Variants in LHPP observed in about 807,000 individuals in gnomAD.
LHPP encodes phospholysine phosphohistidine inorganic pyrophosphate phosphatase.
In LHPP, 24 loss-of-function variants were observed where a neutral mutation model predicts 30.3. The ratio of observed to expected loss-of-function variants is 0.79; its 90% CI spans 0.57 to 1.11. The LOEUF is 1.11. Among genes scored for constraint, LHPP ranks in the 50% most tolerant of loss-of-function variants. The pLI is 0.00. For missense variants in LHPP, 356 were observed against 367.2 expected, an observed-to-expected ratio of 0.97 and a Z score of 0.25; for synonymous variants, 150 against 157.1, an observed-to-expected ratio of 0.95 and a Z score of 0.34.
intron 6 of LHPP, among the ~76,000 whole-genome samples, chr10:124,586,043 C>G (rs61408740): frequency 0.086 from 13,018 of 152,112 alleles, 1,027 homozygotes; most frequent in African/African-American, 0.2. Flanking sequence ...CTTGACCTCC[C>G]AAAGTGCTGG....
At chr10:124,606,128 C>CAGGAG (rs1268539769) in intron 6 of LHPP, among the ~76,000 whole-genome samples, 1 of 152,156 alleles carries the variant, frequency 6.6e-6, no homozygotes, top group Non-Finnish European at 1.5e-5. Context: ...AGGCTGCCCC[C>CAGGAG]AGGAGAGGAG....
chr10:124,573,998 G>A (rs1051070543), intron 6 of LHPP, among the ~76,000 whole-genome samples: 4 of 152,070 alleles, frequency 2.6e-5, no homozygotes, highest in African/African-American at 7.2e-5. Flanking sequence ...TGGAGCCACC[G>A]TGCTGCCCCA....
rs985998818 is a variant in LHPP, at chr10:124,462,137, G to A, written c.125+150G>A. 157 of 752,928 alleles carry A rather than the reference G, an allele frequency of 2.1e-4. No individual in the cohort carries two copies. In the East Asian group the frequency reaches 5.6e-3, roughly 27 times the overall value. 46.6% of individuals were successfully genotyped at this position (752,928 alleles called of 1,614,324 possible). A position where few individuals can be genotyped will look rare whatever the true frequency, so the allele number is the denominator to read the frequency against. ...CTTCCCACCCCGGTGCGCGCACAGT[G>A]CTGACCACGGACGACCCCACTGTTG... On this transcript the variant is annotated intron_variant, in intron 1 of 6. Coordinates refer to ENST00000368842, the MANE Select transcript of LHPP (RefSeq NM_022126.4).
chr10:124,480,919 CAT>C (rs1445682841), intron 1 of LHPP, among the ~76,000 whole-genome samples: 1 of 152,180 alleles, frequency 6.6e-6, no homozygotes, highest in African/African-American at 2.4e-5. Flanking sequence ...AGTGCAGAAA[CAT>C]GTGTTTTCAC....
In LHPP at chr10:124,540,573, T is replaced by A. The variant is rs78699353; in HGVS notation, c.716+23302T>A. On this transcript the variant is annotated intron_variant, in intron 6 of 6. Coordinates refer to ENST00000368842, the MANE Select transcript of LHPP (RefSeq NM_022126.4). ...CTTAAGCTGAGTTTTGCCTTTGCAG[T>A]TTGAGTGACATTTTTGCTGGGGATC... Among the ~76,000 whole-genome samples the A allele has an allele frequency of 9.7e-3, 1,470 of 152,292 alleles. 25 individuals are homozygous for A. The highest frequency in any genetic ancestry group is 0.034 in the African/African-American group (1,401 of 41,566).
In LHPP at chr10:124,498,103, A is replaced by G; in HGVS notation, c.599A>G (p.Gln200Arg). The G allele has an allele frequency of 6.2e-7, 1 of 1,614,010 alleles. No homozygotes were observed. Among genetic ancestry groups the G allele is most frequent in the Non-Finnish European group, 8.5e-7 (1 of 1,179,978 alleles). Residue 200 changes from glutamine to arginine, a missense_variant, in exon 5 of 7, where the codon CAA becomes CGA. By Grantham distance (43) the Gln-to-Arg change is conservative. Coordinates refer to ENST00000368842, the MANE Select transcript of LHPP (RefSeq NM_022126.4). Reference sequence around the variant, plus strand: ...CCTGAGTTTTTCAAGTCTGCCCTGCAAGCGATAGGAGTGGAAGCCCACCAG... The same window carrying G: ...CCTGAGTTTTTCAAGTCTGCCCTGCGAGCGATAGGAGTGGAAGCCCACCAG... ...PSPEFFKSAL[Q>R]AIGVEAHQAV... is the part of the protein sequence containing the mutation.
intron 6 of LHPP, among the ~76,000 whole-genome samples, chr10:124,565,840 C>T (rs145360679): frequency 6.6e-6 from 1 of 152,322 alleles, no homozygotes; most frequent in East Asian, 1.9e-4. Flanking sequence ...CTGCTCCAGC[C>T]CGGCGTCGGG....
intron 6 of LHPP, among the ~76,000 whole-genome samples, chr10:124,603,790 T>TGGGCTCCG (rs1343487435): frequency 6.6e-6 from 1 of 152,122 alleles, no homozygotes; most frequent in Non-Finnish European, 1.5e-5. Context: ...GTCCCCACGC[T>TGGGCTCCG]GGGCTCCGGG....
At chr10:124,479,968 G>A (rs1423404192) in intron 1 of LHPP, among the ~76,000 whole-genome samples, 1 of 152,186 alleles carries the variant, frequency 6.6e-6, no homozygotes, top group Admixed American at 6.5e-5. Context: ...CCAGGCACCT[G>A]GGCCTTGGGG....
At position 124,541,652 on chromosome 10, in the gene LHPP, G is replaced by A. The variant is rs147628521; in HGVS notation, c.716+24381G>A. On this transcript the variant is annotated intron_variant, in intron 6 of 6. Transcript: ENST00000368842. The surrounding 1 kb of genome is among the most constrained non-coding windows in gnomAD (Gnocchi z 4.2). ...GTCTAGGCAAATGCCTTGGGCACTCGAGGGGGCACTGAGGCCCTGGAGGGC... is the reference window on the plus strand; with the variant it reads ...GTCTAGGCAAATGCCTTGGGCACTCAAGGGGGCACTGAGGCCCTGGAGGGC... 8.5e-5 allele frequency among the ~76,000 whole-genome samples: 13 copies of A among 152,268 alleles called. No homozygotes were observed. Among genetic ancestry groups the A allele is most frequent in the Non-Finnish European group, 1.8e-4 (12 of 68,006 alleles).
At position 124,484,346 on chromosome 10, in the gene LHPP, G is replaced by A; in HGVS notation, c.313+20G>A. ...ATGACGGTAGGCCTGTCGGACACCA[G>A]GACCTCACGGGGGTGAAAGCTCCCC... On this transcript the variant is annotated intron_variant, in intron 2 of 6. Transcript: ENST00000368842. 1.2e-6 allele frequency: 2 copies of A among 1,600,610 alleles called. No individual in the cohort carries two copies. Among genetic ancestry groups the A allele is most frequent in the South Asian group, 1.1e-5 (1 of 90,732 alleles).
intron 3 of LHPP, among the ~76,000 whole-genome samples, chr10:124,494,439 G>A (rs2133867775): frequency 6.6e-6 from 1 of 152,334 alleles, no homozygotes; most frequent in Middle Eastern, 3.4e-3. Flanking sequence ...TGCTGGGTAA[G>A]CATTTCCTGT....
At chr10:124,578,008 C>T (rs1266442115) in intron 6 of LHPP, among the ~76,000 whole-genome samples, 1 of 152,170 alleles carries the variant, frequency 6.6e-6, no homozygotes, top group African/African-American at 2.4e-5. Flanking sequence ...GCTGGAAGGA[C>T]CTCTTCCTCT....
intron 6 of LHPP, among the ~76,000 whole-genome samples, chr10:124,603,609 C>G (rs1287359661): frequency 1.3e-5 from 2 of 152,120 alleles, no homozygotes; most frequent in Non-Finnish European, 2.9e-5. Flanking sequence ...CCGAGAAGGT[C>G]CTGTATGTGT....
intron 6 of LHPP, among the ~76,000 whole-genome samples, chr10:124,536,338 C>T (rs1418258252): frequency 6.6e-6 from 1 of 152,240 alleles, no homozygotes. Flanking sequence ...TGTCTGGAAC[C>T]AGGAAAGAGG....
rs1431939481 is a variant in LHPP, at chr10:124,590,506, C to T, written c.717-22758C>T. Among the ~76,000 whole-genome samples the T allele has an allele frequency of 6.6e-6, 1 of 152,124 alleles. No individual in the cohort carries two copies. The highest frequency in any genetic ancestry group is 1.5e-5 in the Non-Finnish European group (1 of 68,012). On this transcript the variant is annotated intron_variant, in intron 6 of 6. Coordinates refer to ENST00000368842, the MANE Select transcript of LHPP (RefSeq NM_022126.4). The surrounding 1 kb of genome is among the most constrained non-coding windows in gnomAD (Gnocchi z 4.3). ...GCCGCTGTGTGACCCCATTAGGGGA[C>T]TTGGCTCTCCTGCCAAGCCCCCACC...
At chr10:124,489,328 C>T (rs956316341) in intron 3 of LHPP, among the ~76,000 whole-genome samples, 6 of 152,116 alleles carry the variant, frequency 3.9e-5, no homozygotes, top group Non-Finnish European at 7.3e-5. Flanking sequence ...TTCACAGCAT[C>T]GATGTCACAC....
chr10:124,495,612 C>A (rs1953679577), intron 3 of LHPP, among the ~76,000 whole-genome samples: 1 of 152,156 alleles, frequency 6.6e-6, no homozygotes, highest in African/African-American at 2.4e-5. Flanking sequence ...AAGGGCACAG[C>A]CCCAGGGCAG....
At chr10:124,538,159 C>T (rs922268719) in intron 6 of LHPP, among the ~76,000 whole-genome samples, 6 of 63,928 alleles carry the variant, frequency 9.4e-5, no homozygotes, top group South Asian at 5.2e-4. Context: ...AGGGTCACCA[C>T]GCGAGTCTCA....
Sources: allele counts gnomAD v4.1 joint callset (sites outside exome capture counted in the v4.1 genomes callset), GRCh38; gene constraint gnomAD v4.1.1; non-coding constraint Gnocchi (gnomAD v3.1); transcripts MANE v1.5; gene names NCBI Gene and HGNC (gene_info 2026-07-23, HGNC 2026-07-21).